The following ARHGEF28 variants were observed in gnomAD, a reference collection of about 807,000 sequenced individuals.
ARHGEF28 encodes 190 kDa guanine nucleotide exchange factor.
Under a neutral mutation model 206.6 loss-of-function variants are expected in ARHGEF28, and 152 were observed. The ratio of observed to expected loss-of-function variants is 0.74; its 90% confidence interval spans 0.64 to 0.84. The LOEUF (loss-of-function observed/expected upper bound fraction) is 0.84, where lower values mean the gene tolerates loss of function less well. Ranked by LOEUF, ARHGEF28 falls within the 40% of genes least tolerant of loss-of-function variation. The probability of loss-of-function intolerance (pLI) is 0.00; values close to 1 mark genes in which losing one functional copy is unlikely to be tolerated. For synonymous variants in ARHGEF28, 763 were observed against 776.4 expected (o/e 0.98, Z 0.29); for missense variants, 2,028 against 2,073.2 (o/e 0.98, Z 0.42).
chr5:73,819,063 C>G (rs1379689853), intron 9 of ARHGEF28, among the ~76,000 whole-genome samples: 3 of 152,158 alleles, frequency 2.0e-5, no homozygotes, highest in Non-Finnish European at 4.4e-5. Flanking sequence ...TTTCAATAGC[C>G]TGTAAGCCTG....
At chr5:73,768,824 C>A (rs1473438614) in intron 4 of ARHGEF28, among the ~76,000 whole-genome samples, 1 of 152,000 alleles carries the variant, frequency 6.6e-6, no homozygotes, top group African/African-American at 2.4e-5. Context: ...TCACCCAAAT[C>A]TCATCTTGAA....
At chr5:73,819,712 C>T (rs1236702438) in intron 9 of ARHGEF28, among the ~76,000 whole-genome samples, 1 of 152,144 alleles carries the variant, frequency 6.6e-6, no homozygotes, top group Non-Finnish European at 1.5e-5. Context: ...CCTCTCAAGG[C>T]TTGGATGCTT....
At chr5:73,799,032 G>A (rs1754988254) in intron 9 of ARHGEF28, among the ~76,000 whole-genome samples, 1 of 152,218 alleles carries the variant, frequency 6.6e-6, no homozygotes, top group Non-Finnish European at 1.5e-5. Context: ...GTTGCAGTGA[G>A]CCAAGATCGC....
intron 7 of ARHGEF28, among the ~76,000 whole-genome samples, chr5:73,793,278 A>G (rs535761092): frequency 1.5e-4 from 23 of 152,332 alleles, no homozygotes; most frequent in African/African-American, 4.6e-4. Context: ...CTTATTACTT[A>G]TAGCTCCATC....
At chr5:73,872,727 C>G (rs571820645) in intron 21 of ARHGEF28, among the ~76,000 whole-genome samples, 1 of 152,118 alleles carries the variant, frequency 6.6e-6, no homozygotes, top group Admixed American at 6.6e-5. Context: ...AAGATGCTAG[C>G]TAGTTATATT....
chr5:73,823,286 A>G (rs925743667), intron 9 of ARHGEF28, among the ~76,000 whole-genome samples: 1 of 152,196 alleles, frequency 6.6e-6, no homozygotes, highest in Non-Finnish European at 1.5e-5. Context: ...TAATACATTT[A>G]TACATATATT....
chr5:73,643,113 A>G (rs926794892), intron 1 of ARHGEF28, among the ~76,000 whole-genome samples: 2 of 152,226 alleles, frequency 1.3e-5, no homozygotes, highest in Non-Finnish European at 2.9e-5. Context: ...CTATAGTATT[A>G]TTTAACAGTA....
intron 4 of ARHGEF28, among the ~76,000 whole-genome samples, chr5:73,756,752 A>G (rs1310741155): frequency 1.3e-5 from 2 of 152,224 alleles, no homozygotes; most frequent in Admixed American, 1.3e-4. Context: ...GGGCATTTAG[A>G]TGAATAGATT....
In ARHGEF28 at chr5:73,633,109, G is replaced by C. The variant is rs531190670; in HGVS notation, c.-12+6787G>C. Among the ~76,000 whole-genome samples, 7 of 152,120 alleles carry C rather than the reference G, an allele frequency of 4.6e-5. No individual in the cohort carries two copies. In the South Asian group the frequency reaches 1.3e-3, roughly 27 times the overall value. ...GCATGCACAGCTCACAGTAGTGTTC[G>C]CATTCCTATGAGAATCTAATGTTGC... On this transcript the variant is annotated intron_variant, in intron 1 of 35. Coordinates refer to ENST00000513042, the MANE Select transcript of ARHGEF28 (RefSeq NM_001177693.2).
chr5:73,833,791 A>G (rs1249872672), intron 10 of ARHGEF28, among the ~76,000 whole-genome samples: 2 of 152,204 alleles, frequency 1.3e-5, no homozygotes, highest in African/African-American at 4.8e-5. Context: ...ACAGGGCAGC[A>G]GGAGAGAAAA....
At chr5:73,901,533 T>TA (rs1762272644) in intron 31 of ARHGEF28, 1 of 283,892 alleles carries the variant, frequency 3.5e-6, no homozygotes, top group African/African-American at 2.2e-5. Flanking sequence ...AACTCTCCTG[T>TA]GTATATGTGT....
At chr5:73,940,063 A>G (rs1347434404) in intron 35 of ARHGEF28, among the ~76,000 whole-genome samples, 2 of 152,208 alleles carry the variant, frequency 1.3e-5, no homozygotes, top group Admixed American at 6.5e-5. Context: ...TAATTTTGCC[A>G]TATGGCTGAG....
intron 1 of ARHGEF28, among the ~76,000 whole-genome samples, chr5:73,647,979 ATGAT>A (rs1402540323): frequency 6.6e-6 from 1 of 152,252 alleles, no homozygotes; most frequent in Non-Finnish European, 1.5e-5. Flanking sequence ...AGTTGAGTGA[ATGAT>A]TGAATTAATT....
At chr5:73,931,438 T>G (rs1764111037) in intron 35 of ARHGEF28, among the ~76,000 whole-genome samples, 1 of 152,198 alleles carries the variant, frequency 6.6e-6, no homozygotes, top group Non-Finnish European at 1.5e-5. Context: ...TTGCTTCTCT[T>G]CAGTTTTTTC....
chr5:73,782,590 C>T (rs1753912862), intron 7 of ARHGEF28, among the ~76,000 whole-genome samples: 3 of 152,182 alleles, frequency 2.0e-5, no homozygotes, highest in Admixed American at 6.5e-5. Context: ...TCAGACTGCA[C>T]CTTCTTGGAG....
At chr5:73,695,449 C>G (rs1185991271) in intron 2 of ARHGEF28, among the ~76,000 whole-genome samples, 1 of 152,184 alleles carries the variant, frequency 6.6e-6, no homozygotes, top group Non-Finnish European at 1.5e-5. Flanking sequence ...GTCTTGACCT[C>G]TGCCCAGGCC....
intron 1 of ARHGEF28, among the ~76,000 whole-genome samples, chr5:73,646,245 A>G (rs1317781289): frequency 2.0e-5 from 3 of 152,224 alleles, no homozygotes; most frequent in African/African-American, 7.2e-5. Flanking sequence ...GCTGCAACGC[A>G]GACCCTGATT....
At chr5:73,851,140 G>T (rs1448996902) in intron 13 of ARHGEF28, among the ~76,000 whole-genome samples, 1 of 152,174 alleles carries the variant, frequency 6.6e-6, no homozygotes, top group Non-Finnish European at 1.5e-5. Flanking sequence ...ATGTTTCATT[G>T]TTTAGTCGGC....
rs137905204 is a variant in ARHGEF28 at position 73,931,854 on chromosome 5, G to A, written c.4949-8990G>A. Among the ~76,000 whole-genome samples the A allele has an allele frequency of 7.4e-3, 1,131 of 152,252 alleles. 8 individuals are homozygous for A. The highest frequency in any genetic ancestry group is 9.6e-3 in the Non-Finnish European group (654 of 68,012). ...AGTTTACCTACCATTTTGGATTGGC[G>A]TGGGATTGAATCAAATAAGAGATGT... On this transcript the variant is annotated intron_variant, in intron 35 of 35. Coordinates refer to ENST00000513042, the MANE Select transcript of ARHGEF28 (RefSeq NM_001177693.2).
Sources: allele counts gnomAD v4.1 joint callset (sites outside exome capture counted in the v4.1 genomes callset), GRCh38; gene constraint gnomAD v4.1.1; transcripts MANE v1.5; gene names NCBI Gene and HGNC (gene_info 2026-07-23, HGNC 2026-07-21).